Variants in ANKRD46 observed in about 807,000 individuals in gnomAD.
The protein encoded by ANKRD46 is ankyrin repeat domain-containing protein 46.
A neutral mutation model predicts 19.8 loss-of-function variants in ANKRD46; 13 were observed. The observed-to-expected ratio is 0.66, with a 90% CI of 0.43 to 1.04. ANKRD46 has a LOEUF of 1.04. Ranked by LOEUF, ANKRD46 falls within the 50% of genes least tolerant of loss-of-function variation. The probability of loss-of-function intolerance (pLI) is 0.00; values close to 1 mark genes in which losing one functional copy is unlikely to be tolerated. For synonymous variants in ANKRD46, 91 were observed against 106.9 expected, an observed-to-expected ratio of 0.85 and a Z score of 0.92; for missense variants, 185 against 274.8, an observed-to-expected ratio of 0.67 and a Z score of 2.31.
rs762045791 is a variant in ANKRD46, at chr8:100,529,508, C to G, written c.311+15G>C. 2 of 1,600,274 alleles carry G rather than the reference C, an allele frequency of 1.2e-6. No individual in the cohort carries two copies. Among genetic ancestry groups the G allele is most frequent in the South Asian group, 1.1e-5 (1 of 89,812 alleles). On this transcript the variant is annotated intron_variant, in intron 3 of 4. Coordinates refer to ENST00000335659, the MANE Select transcript of ANKRD46 (RefSeq NM_001270377.2). This position sits in a 1 kb window ranked among gnomAD's most constrained non-coding sequence, Gnocchi z 5.8. ...GGAAGAAATGACTAGACTTCTAAAA[C>G]AACAGAGAACTTACCAAATATCAAT...
At position 100,522,327 on chromosome 8, in the gene ANKRD46, A is replaced by C. The variant is rs911753732; in HGVS notation, c.*228T>G. 6.7e-6 allele frequency: 9 copies of C among 1,352,862 alleles called. No homozygotes were observed. Among genetic ancestry groups the C allele is most frequent in the Non-Finnish European group, 8.6e-6 (9 of 1,051,232 alleles). 83.8% of individuals were successfully genotyped at this position (1,352,862 alleles called of 1,614,324 possible). On this transcript the variant is annotated 3_prime_UTR_variant, in exon 5 of 5. Coordinates refer to ENST00000335659, the MANE Select transcript of ANKRD46 (RefSeq NM_001270377.2). ...CAAGGCTACGTGTAGGCTTTCCTAC[A>C]AAGTCAGGTTGAGTCAGAGGTAGCG...
chr8:100,558,369 A>C (rs989645953), intron 1 of ANKRD46, among the ~76,000 whole-genome samples: 10 of 152,224 alleles, frequency 6.6e-5, no homozygotes, highest in Admixed American at 2.6e-4. Flanking sequence ...CTGCTACCAT[A>C]ATAATGCAAA....
In ANKRD46 at chr8:100,529,807, A is replaced by C. The variant is rs777178558; in HGVS notation, c.27T>G (p.Ser9=). The part of the protein sequence containing the change: MSYVFVND[S]SQTNVPLLQA... ...GCAGCAAGGGCACGTTAGTCTGAGA[A>C]GAATCATTTACAAAAACATACGACA... is the stretch of plus-strand genomic sequence containing the variant. The change falls in exon 3 of 5, where the codon TCT becomes TCG. Residue 9 remains serine (S), a synonymous_variant. Transcript: ENST00000335659. This position sits in a 1 kb window ranked among gnomAD's most constrained non-coding sequence, Gnocchi z 5.8. 6.2e-7 allele frequency: 1 copy of C among 1,614,140 alleles called. No homozygotes were observed. The highest frequency in any genetic ancestry group is 2.2e-5 in the East Asian group (1 of 44,888).
chr8:100,551,664 G>A, intron 1 of ANKRD46: 2 of 673,474 alleles, frequency 3.0e-6, no homozygotes, highest in East Asian at 7.0e-5. Context: ...CTGGTGACCA[G>A]GTGCCCAATA....
rs1811711905 is a variant in ANKRD46, at chr8:100,520,900, C to CAA, written c.*1653_*1654dup. On this transcript the variant is annotated 3_prime_UTR_variant, in exon 5 of 5. Coordinates refer to ENST00000335659, the MANE Select transcript of ANKRD46 (RefSeq NM_001270377.2). Reference sequence around the variant, plus strand: ...AAATGCTATATACTTACATTTTGACCAATTTTGCATATTTGTTTAGATTTA... The same window carrying CAA: ...AAATGCTATATACTTACATTTTGACCAAAATTTTGCATATTTGTTTAGATTTA... The CAA allele has an allele frequency of 1.0e-6, 1 of 984,154 alleles. No individual in the cohort carries two copies. 61.0% of individuals were successfully genotyped at this position (984,154 alleles called of 1,614,324 possible).
At position 100,520,808 on chromosome 8, in the gene ANKRD46, C is replaced by T. The variant is rs1199599484; in HGVS notation, c.*1747G>A. 1 of 980,096 alleles carries T rather than the reference C, an allele frequency of 1.0e-6. No homozygotes were observed. The highest frequency in any genetic ancestry group is 1.8e-5 in the African/African-American group (1 of 56,312). The allele number at this position is 980,096 out of a possible 1,614,324, so 60.7% of individuals were successfully genotyped here. On this transcript the variant is annotated 3_prime_UTR_variant, in exon 5 of 5. Coordinates refer to ENST00000335659, the MANE Select transcript of ANKRD46 (RefSeq NM_001270377.2). ...ATAAATACATTTATTGGTGGTATTC[C>T]TGAATGATGAATGCAGAGAACAGAA...
In ANKRD46 at chr8:100,552,812, T is replaced by C. The variant is rs534352329; in HGVS notation, c.-131+6899A>G. ...ATAAAAGGGTCAAGCCTTGGGCTTT[T>C]CCTATTACGGGTATCAATAAAGGAT... is the stretch of plus-strand genomic sequence containing the variant. On this transcript the variant is annotated intron_variant, in intron 1 of 4. Transcript: ENST00000335659. Among the ~76,000 whole-genome samples, 6 of 152,376 alleles carry C rather than the reference T, an allele frequency of 3.9e-5. No homozygotes were observed. In the East Asian group the frequency reaches 9.6e-4, roughly 24 times the overall value.
chr8:100,535,756 A>G (rs1170479104), intron 1 of ANKRD46, among the ~76,000 whole-genome samples: 1 of 152,184 alleles, frequency 6.6e-6, no homozygotes, highest in Non-Finnish European at 1.5e-5. Context: ...TTTTTTATCC[A>G]TAGTAGTATT....
In ANKRD46 at chr8:100,550,715, C is replaced by T. The variant is rs991341862; in HGVS notation, c.-131+8996G>A. ...TTGTGCTCTCACTGGGGCTGGTTGT[C>T]GAGCAGTCTTACTCCTTGGAGGCCA... On this transcript the variant is annotated intron_variant, in intron 1 of 4. Coordinates refer to ENST00000335659, the MANE Select transcript of ANKRD46 (RefSeq NM_001270377.2). This position sits in a 1 kb window ranked among gnomAD's most constrained non-coding sequence, Gnocchi z 4.4. 6 of 345,416 alleles carry T rather than the reference C, an allele frequency of 1.7e-5. No homozygotes were observed. The East Asian group carries it at 2.3e-4, about 13-fold the overall frequency. 21.4% of individuals were successfully genotyped at this position (345,416 alleles called of 1,614,324 possible).
At chr8:100,538,524 G>C (rs1220398354) in intron 1 of ANKRD46, among the ~76,000 whole-genome samples, 27 of 152,136 alleles carry the variant, frequency 1.8e-4, no homozygotes, top group Admixed American at 1.8e-3. Flanking sequence ...CCAGGGACTT[G>C]AGCATCTGTG....
chr8:100,528,746 A>T (rs1811895642), intron 3 of ANKRD46, among the ~76,000 whole-genome samples: 1 of 152,134 alleles, frequency 6.6e-6, no homozygotes, highest in South Asian at 2.1e-4. Context: ...TCCTGCAGTC[A>T]ATTCCTACCC....
chr8:100,513,120 T>G (rs1051553403), intron 5 of ANKRD46, among the ~76,000 whole-genome samples: 9 of 152,218 alleles, frequency 5.9e-5, no homozygotes, highest in African/African-American at 2.2e-4. Context: ...TGAGATAGTA[T>G]GTAGATGAGT....
rs1056916621 is a variant in ANKRD46 at position 100,534,555 on chromosome 8, A to T, written c.-130-1244T>A. On this transcript the variant is annotated intron_variant, in intron 1 of 4. Coordinates refer to ENST00000335659, the MANE Select transcript of ANKRD46 (RefSeq NM_001270377.2). This position sits in a 1 kb window ranked among gnomAD's most constrained non-coding sequence, Gnocchi z 4.2. ...GACCTCTAGAGCTGAGTCTTTAACG[A>T]CTAGAGCCTGTCTCTAATGTATGAT... Among the ~76,000 whole-genome samples, 6 of 152,308 alleles carry T rather than the reference A, an allele frequency of 3.9e-5. No individual in the cohort carries two copies. The highest frequency in any genetic ancestry group is 5.9e-5 in the Non-Finnish European group (4 of 68,022).
At chr8:100,514,015 C>T (rs531367751) in intron 5 of ANKRD46, among the ~76,000 whole-genome samples, 1 of 152,110 alleles carries the variant, frequency 6.6e-6, no homozygotes, top group Non-Finnish European at 1.5e-5. Flanking sequence ...GAAATTAATC[C>T]CCAAAGAAAG....
Position 100,510,771 on chromosome 8 carries a change from C to A in ANKRD46, c.637-132G>T. ...AGCACAGGCTTGCTTCTCCTCTGCCCATCTCAGCTCTCAACGCTCACAGGA... is the reference window on the plus strand; with the variant it reads ...AGCACAGGCTTGCTTCTCCTCTGCCAATCTCAGCTCTCAACGCTCACAGGA... On this transcript the variant is annotated intron_variant, in intron 5 of 5. Transcript: ENST00000520552. This position sits in a 1 kb window ranked among gnomAD's most constrained non-coding sequence, Gnocchi z 4.9. The A allele has an allele frequency of 1.3e-6, 1 of 773,942 alleles. No homozygotes were observed. Among genetic ancestry groups the A allele is most frequent in the Non-Finnish European group, 2.0e-6 (1 of 508,734 alleles). 47.9% of individuals were successfully genotyped at this position (773,942 alleles called of 1,614,324 possible).
At position 100,521,470 on chromosome 8, in the gene ANKRD46, C is replaced by T; in HGVS notation, c.*1085G>A. ...TGAAAGCTGCAATATAGTTTGAGGG[C>T]CAGATTTCAATTTACATAATATTAC... On this transcript the variant is annotated 3_prime_UTR_variant, in exon 5 of 5. Coordinates refer to ENST00000335659, the MANE Select transcript of ANKRD46 (RefSeq NM_001270377.2). The T allele has an allele frequency of 1.0e-6, 1 of 985,352 alleles. No individual in the cohort carries two copies. The highest frequency in any genetic ancestry group is 1.2e-6 in the Non-Finnish European group (1 of 829,916). The allele number at this position is 985,352 out of a possible 1,614,324, so 61.0% of individuals were successfully genotyped here.
At chr8:100,554,982 T>TCCACCA (rs1238808568) in intron 1 of ANKRD46, among the ~76,000 whole-genome samples, 1 of 149,432 alleles carries the variant, frequency 6.7e-6, no homozygotes, top group African/African-American at 2.5e-5. Flanking sequence ...GCCACTGCAC[T>TCCACCA]CCAGCCTGGG....
intron 1 of ANKRD46, among the ~76,000 whole-genome samples, chr8:100,541,395 T>C (rs1461052627): frequency 6.6e-6 from 1 of 152,166 alleles, no homozygotes; most frequent in Non-Finnish European, 1.5e-5. Context: ...AGGTATGAGA[T>C]TGTATCCTTA....
At chr8:100,512,081 G>A (rs984953596) in intron 5 of ANKRD46, among the ~76,000 whole-genome samples, 1 of 152,202 alleles carries the variant, frequency 6.6e-6, no homozygotes, top group Non-Finnish European at 1.5e-5. Flanking sequence ...AAGGGGGAAA[G>A]GAGGCTCTGC....
Sources: gnomAD v4.1 joint callset for allele counts (sites outside exome capture counted in the v4.1 genomes callset) on GRCh38, gnomAD v4.1.1 for gene constraint, Gnocchi (gnomAD v3.1) non-coding constraint, MANE v1.5 for transcripts, NCBI Gene and HGNC (gene_info 2026-07-23, HGNC 2026-07-21) for gene names.